The following RFX3 variants were observed in gnomAD, a reference collection of about 807,000 sequenced individuals.
RFX3 encodes the protein transcription factor RFX3.
A neutral mutation model predicts 98.6 loss-of-function variants in RFX3; 14 were observed. The observed-to-expected ratio is 0.14, with a 90% CI of 0.09 to 0.22. RFX3 has a LOEUF of 0.22. RFX3 is among the 10% of genes least tolerant of loss of function. The pLI is 1.00. For missense variants in RFX3, 639 were observed against 926.9 expected (o/e 0.69, Z 4.03); for synonymous variants, 383 against 328.4 (o/e 1.17, Z -1.80).
At chr9:3,488,801 G>A (rs1029276658) in intron 1 of RFX3, 74 of 985,124 alleles carry the variant, frequency 7.5e-5, no homozygotes, top group Non-Finnish European at 8.7e-5. Context: ...TGAAATGGAG[G>A]TTACAGCTTC....
chr9:3,429,085 C>T (rs1421285804), intron 1 of RFX3, among the ~76,000 whole-genome samples: 6 of 149,400 alleles, frequency 4.0e-5, no homozygotes, highest in African/African-American at 7.4e-5. Context: ...TGCGGTGGCG[C>T]GATCTCGGCT....
chr9:3,475,739 G>C (rs907645445), intron 1 of RFX3, among the ~76,000 whole-genome samples: 1 of 152,204 alleles, frequency 6.6e-6, no homozygotes, highest in African/African-American at 2.4e-5. Flanking sequence ...GACCACTGAA[G>C]CACAGCATCA....
intron 4 of RFX3, among the ~76,000 whole-genome samples, chr9:3,321,455 G>A (rs1304905905): frequency 1.3e-5 from 2 of 152,016 alleles, no homozygotes; most frequent in Non-Finnish European, 2.9e-5. Flanking sequence ...AACCTCTTCC[G>A]CATTGCTTGT....
At chr9:3,441,469 G>C (rs1296809566) in intron 1 of RFX3, among the ~76,000 whole-genome samples, 1 of 152,042 alleles carries the variant, frequency 6.6e-6, no homozygotes, top group Non-Finnish European at 1.5e-5. Context: ...CTAAAAACAA[G>C]AACCAAGACT....
chr9:3,225,215 T>C lies in RFX3; in HGVS notation c.2077A>G (p.Lys693Glu). 1 of 1,613,894 alleles carries C rather than the reference T, an allele frequency of 6.2e-7. No individual in the cohort carries two copies. The highest frequency in any genetic ancestry group is 8.5e-7 in the Non-Finnish European group (1 of 1,179,920). Residue 693 changes from lysine (K) to glutamate (E), a missense_variant, in exon 17 of 17, where the codon AAA (lysine) becomes GAA (glutamate). This residue lies in a region of RFX3 where 129 missense variants were observed against 124.6 expected (regional missense o/e 1.04). Coordinates refer to ENST00000617270, the MANE Select transcript of RFX3 (RefSeq NM_001282116.2). Reference sequence around the variant, plus strand: ...TGGCTCAGCTCTGTTTTCTCTCTTTTGGCTTGAGGCTCTGAAGAGTCATCC... The same window carrying C: ...TGGCTCAGCTCTGTTTTCTCTCTTTCGGCTTGAGGCTCTGAAGAGTCATCC... ...ELDDSSEPQA[K>E]REKTELSQAF...
chr9:3,400,273 C>A, intron 1 of RFX3: 4 of 883,984 alleles, frequency 4.5e-6, no homozygotes, highest in Non-Finnish European at 5.4e-6. Context: ...TTGTCAACTA[C>A]TTAATAGGAG....
At chr9:3,476,647 G>A (rs760870480) in intron 1 of RFX3, among the ~76,000 whole-genome samples, 3 of 152,084 alleles carry the variant, frequency 2.0e-5, no homozygotes, top group Non-Finnish European at 4.4e-5. Flanking sequence ...AACTATGAAG[G>A]AATCCATCTT....
rs1225314299 is a variant in RFX3 at position 3,270,145 on chromosome 9, GAGAA to G, written c.1357+222_1357+225del. ...AAGAAAGGAAAGAAAGAAAGAAAAG[GAGAA>G]AGAAAGAAAAAGAAAAGAAAGACTG... On this transcript the variant is annotated intron_variant, in intron 11 of 16. Coordinates refer to ENST00000617270, the MANE Select transcript of RFX3 (RefSeq NM_001282116.2). Among the ~76,000 whole-genome samples the G allele has an allele frequency of 1.1e-4, 15 of 130,808 alleles. No homozygotes were observed. In the East Asian group the frequency reaches 2.1e-3, roughly 18 times the overall value. 85.8% of individuals were successfully genotyped at this position (130,808 alleles called of 152,430 possible).
At chr9:3,255,150 T>G (rs559598703) in intron 14 of RFX3, among the ~76,000 whole-genome samples, 1 of 152,326 alleles carries the variant, frequency 6.6e-6, no homozygotes, top group East Asian at 1.9e-4. Flanking sequence ...TACGTCTACT[T>G]CAGTTTAAGA....
chr9:3,447,663 A>C (rs903548284), intron 1 of RFX3, among the ~76,000 whole-genome samples: 9 of 152,200 alleles, frequency 5.9e-5, no homozygotes, highest in Admixed American at 2.6e-4. Context: ...CAGTTCATTC[A>C]AGATTTGGTT....
chr9:3,401,501 G>C (rs2132032551), intron 1 of RFX3, among the ~76,000 whole-genome samples: 2 of 152,284 alleles, frequency 1.3e-5, no homozygotes, highest in East Asian at 3.9e-4. Context: ...AATTTGGTTA[G>C]TTTAGTTCCT....
chr9:3,432,603 A>G (rs1391998270), intron 1 of RFX3, among the ~76,000 whole-genome samples: 1 of 152,218 alleles, frequency 6.6e-6, no homozygotes, highest in African/African-American at 2.4e-5. Context: ...AAGGTAATGG[A>G]TGAAAGGTTT....
intron 5 of RFX3, among the ~76,000 whole-genome samples, chr9:3,294,411 G>C (rs1270311562): frequency 6.6e-6 from 1 of 152,008 alleles, no homozygotes; most frequent in African/African-American, 2.4e-5. Flanking sequence ...TTCATTTATT[G>C]AGCACCAACC....
intron 15 of RFX3, among the ~76,000 whole-genome samples, chr9:3,241,714 T>A (rs1046959935): frequency 7.9e-5 from 12 of 152,208 alleles, no homozygotes; most frequent in Admixed American, 7.9e-4. Flanking sequence ...TTTAAAAAAA[T>A]GTTTGATTTA....
chr9:3,370,606 T>C (rs1837732665), intron 2 of RFX3, among the ~76,000 whole-genome samples: 1 of 152,074 alleles, frequency 6.6e-6, no homozygotes, highest in South Asian at 2.1e-4. Flanking sequence ...GTGATAAAAA[T>C]GCCTTAATTT....
intron 1 of RFX3, among the ~76,000 whole-genome samples, chr9:3,407,823 G>C (rs1477111144): frequency 1.3e-5 from 2 of 152,212 alleles, no homozygotes; most frequent in African/African-American, 4.8e-5. Context: ...GTAGATCTCA[G>C]CTAAGACTAA....
rs555349379 is a variant in RFX3 at position 3,410,161 on chromosome 9, C to CTGTGTGTGTGTGTGTGTGTGTGTG, written c.-8-14589_-8-14566dup. Among the ~76,000 whole-genome samples the CTGTGTGTGTGTGTGTGTGTGTGTG allele has an allele frequency of 2.4e-3, 276 of 114,112 alleles. 8 individuals carry two copies. Among genetic ancestry groups the CTGTGTGTGTGTGTGTGTGTGTGTG allele is most frequent in the East Asian group, 7.4e-3 (24 of 3,222 alleles). 74.9% of individuals were successfully genotyped at this position (114,112 alleles called of 152,430 possible). ...TTAACACGATTTCAAGTGAGATAAA[C>CTGTGTGTGTGTGTGTGTGTGTGTG]TGTGTGTGTGTGTGTGTGTGTGTGT... On this transcript the variant is annotated intron_variant, in intron 1 of 16. Transcript: ENST00000617270.
At chr9:3,282,448 G>C (rs1434466231) in intron 7 of RFX3, among the ~76,000 whole-genome samples, 2 of 151,726 alleles carry the variant, frequency 1.3e-5, no homozygotes. Context: ...AATTGAAATG[G>C]GCTATATGTT....
chr9:3,248,469 A>C (rs570748391), intron 14 of RFX3, among the ~76,000 whole-genome samples: 25 of 152,194 alleles, frequency 1.6e-4, no homozygotes, highest in Non-Finnish European at 2.6e-4. Flanking sequence ...TACCAAACTC[A>C]CAAATAAATC....
Sources: gnomAD v4.1 joint callset for allele counts (sites outside exome capture counted in the v4.1 genomes callset) on GRCh38, gnomAD v4.1.1 for gene constraint, gnomAD v4.1.1 regional missense constraint, MANE v1.5 for transcripts, NCBI Gene and HGNC (gene_info 2026-07-23, HGNC 2026-07-21) for gene names.